The following TNFRSF11A variants were observed in gnomAD, a reference collection of about 807,000 sequenced individuals.
TNFRSF11A encodes the protein TNF receptor superfamily member 11a, also known as tumor necrosis factor receptor superfamily member 11A.
A neutral mutation model predicts 55.7 loss-of-function variants in TNFRSF11A; 32 were observed. That is an observed-to-expected ratio of 0.57 (90% CI 0.43 to 0.77). The LOEUF is 0.77. Ranked by LOEUF, TNFRSF11A falls within the 30% of genes least tolerant of loss-of-function variation. The pLI, the probability that TNFRSF11A is intolerant of heterozygous loss-of-function variation, is 0.00. For missense variants in TNFRSF11A, 753 were observed against 809.8 expected (o/e 0.93, Z 0.85); for synonymous variants, 311 against 331.0 (o/e 0.94, Z 0.65).
chr18:62,364,394 C>G (rs1370417154), intron 7 of TNFRSF11A, among the ~76,000 whole-genome samples: 1 of 152,084 alleles, frequency 6.6e-6, no homozygotes, highest in Non-Finnish European at 1.5e-5. Context: ...GCTCCTTGTC[C>G]TTAGCAAAGG....
intron 1 of TNFRSF11A, among the ~76,000 whole-genome samples, chr18:62,346,525 G>A (rs2046386347): frequency 6.6e-6 from 1 of 152,220 alleles, no homozygotes; most frequent in Admixed American, 6.5e-5. Flanking sequence ...AGCATCTGAT[G>A]TGTGTTACCC....
At chr18:62,333,658 C>A (rs752106830) in intron 1 of TNFRSF11A, among the ~76,000 whole-genome samples, 1 of 152,112 alleles carries the variant, frequency 6.6e-6, no homozygotes, top group Admixed American at 6.6e-5. Context: ...TACCAGGCAG[C>A]GCTCCAGTGA....
At chr18:62,338,375 T>C (rs959569195) in intron 1 of TNFRSF11A, among the ~76,000 whole-genome samples, 1 of 152,198 alleles carries the variant, frequency 6.6e-6, no homozygotes, top group Non-Finnish European at 1.5e-5. Context: ...CCAGTGTTCA[T>C]TGCAGGATTA....
Position 62,340,155 on chromosome 18 carries a change from G to A in TNFRSF11A, c.76-8013G>A, listed in dbSNP as rs531975029. ...TACAGTGAGCAGTGATCACACCACT[G>A]CACTCTAGCCTAGGTGACAGAATGA... is the stretch of plus-strand genomic sequence containing the variant. On this transcript the variant is annotated intron_variant, in intron 1 of 9. Transcript: ENST00000586569. Among the ~76,000 whole-genome samples, 3 of 151,900 alleles carry A rather than the reference G, an allele frequency of 2.0e-5. No homozygotes were observed. In the South Asian group the frequency reaches 6.3e-4, roughly 32 times the overall value.
chr18:62,342,680 C>T (rs1239714322), intron 1 of TNFRSF11A, among the ~76,000 whole-genome samples: 1 of 152,084 alleles, frequency 6.6e-6, no homozygotes, highest in Non-Finnish European at 1.5e-5. Context: ...AGGGGCAGAC[C>T]AGGAATGATA....
At chr18:62,337,439 C>G (rs1376981845) in intron 1 of TNFRSF11A, among the ~76,000 whole-genome samples, 1 of 152,196 alleles carries the variant, frequency 6.6e-6, no homozygotes, top group East Asian at 1.9e-4. Flanking sequence ...TATTAACTCA[C>G]AATGCGTATA....
At chr18:62,376,241 G>T (rs1236429890) in intron 9 of TNFRSF11A, among the ~76,000 whole-genome samples, 6 of 151,444 alleles carry the variant, frequency 4.0e-5, no homozygotes, top group African/African-American at 1.5e-4. Context: ...TTTCTCTTGT[G>T]GGGAGAGCCT....
rs1216235584 is a variant in TNFRSF11A at position 62,368,762 on chromosome 18, G to A, written c.845G>A (p.Cys282Tyr). The change falls in exon 9 of 10, where the codon TGT (cysteine) becomes TAT (tyrosine). Residue 282 changes from cysteine to tyrosine, a missense_variant. This residue lies in a region of TNFRSF11A where 567 missense variants were observed against 596.7 expected (regional missense o/e 0.95). Coordinates refer to ENST00000586569, the MANE Select transcript of TNFRSF11A (RefSeq NM_003839.4). ...HTANFGQQGA[C>Y]EGVLLLTLEE... is the part of the protein sequence containing the mutation. ...GCAAACTTTGGTCAGCAGGGAGCATGTGAAGGTGTCTTACTGCTGACTCTG... is the reference window on the plus strand; with the variant it reads ...GCAAACTTTGGTCAGCAGGGAGCATATGAAGGTGTCTTACTGCTGACTCTG... 5.6e-6 allele frequency: 9 copies of A among 1,614,128 alleles called. No individual in the cohort carries two copies. Among genetic ancestry groups the A allele is most frequent in the Admixed American group, 5.0e-5 (3 of 60,006 alleles).
At chr18:62,336,153 T>C (rs1274208595) in intron 1 of TNFRSF11A, among the ~76,000 whole-genome samples, 1 of 152,172 alleles carries the variant, frequency 6.6e-6, no homozygotes, top group Non-Finnish European at 1.5e-5. Context: ...TATGCAGTGT[T>C]TGGAAATAGG....
chr18:62,350,009 T>C, intron 3 of TNFRSF11A, 72 bp downstream of exon 3: 1 of 1,595,124 alleles, frequency 6.3e-7, no homozygotes, highest in Non-Finnish European at 8.6e-7. Flanking sequence ...AGAAACATTT[T>C]TAGAGGCAGC....
At chr18:62,328,309 G>A (rs894863146) in intron 1 of TNFRSF11A, among the ~76,000 whole-genome samples, 1 of 152,064 alleles carries the variant, frequency 6.6e-6, no homozygotes, top group African/African-American at 2.4e-5. Context: ...GGAAAGATGT[G>A]TGGGAAACCA....
chr18:62,350,513 C>T (rs1381598721), intron 3 of TNFRSF11A, among the ~76,000 whole-genome samples: 1 of 152,090 alleles, frequency 6.6e-6, no homozygotes, highest in East Asian at 1.9e-4. Context: ...AGGATGGTCT[C>T]GATCTCCTGA....
chr18:62,379,448 G>T (rs116467191), intron 9 of TNFRSF11A, among the ~76,000 whole-genome samples: 1 of 152,124 alleles, frequency 6.6e-6, no homozygotes, highest in South Asian at 2.1e-4. Context: ...TAACTATTAC[G>T]TTAACTGGCA....
At chr18:62,366,601 TC>T in intron 7 of TNFRSF11A, 106 bp from the exon 8 acceptor site, 1 of 1,172,102 alleles carries the variant, frequency 8.5e-7, no homozygotes, top group Non-Finnish European at 1.3e-6. Context: ...TCTATATTTG[TC>T]CTATAACATG....
chr18:62,375,928 G>A (rs774652105), intron 9 of TNFRSF11A, among the ~76,000 whole-genome samples: 1 of 152,202 alleles, frequency 6.6e-6, no homozygotes, highest in Non-Finnish European at 1.5e-5. Context: ...GAGCCCAGAA[G>A]GTCAGGGCTG....
intron 9 of TNFRSF11A, among the ~76,000 whole-genome samples, chr18:62,376,348 C>T (rs1334837880): frequency 2.3e-5 from 3 of 131,382 alleles, no homozygotes; most frequent in Non-Finnish European, 4.6e-5. Context: ...CGAAGGGGAA[C>T]ACTGTCAGAA....
At chr18:62,366,848 C>A in intron 8 of TNFRSF11A, 88 bp downstream of exon 8, 1 of 1,318,502 alleles carries the variant, frequency 7.6e-7, no homozygotes, top group Non-Finnish European at 1.1e-6. Context: ...GAGCACCCCC[C>A]CCCACCCCCA....
At chr18:62,337,131 G>A (rs2046246432) in intron 1 of TNFRSF11A, among the ~76,000 whole-genome samples, 1 of 152,104 alleles carries the variant, frequency 6.6e-6, no homozygotes, top group East Asian at 1.9e-4. Context: ...TCTAATCACA[G>A]TTACCTATAT....
rs773263269 is a variant in TNFRSF11A at position 62,383,681 on chromosome 18, T to C, written c.1568-1070T>C. Among the ~76,000 whole-genome samples, 14 of 152,126 alleles carry C rather than the reference T, an allele frequency of 9.2e-5. No homozygotes were observed. The highest frequency in any genetic ancestry group is 3.9e-4 in the Admixed American group (6 of 15,270). On this transcript the variant is annotated intron_variant, in intron 9 of 9. Coordinates refer to ENST00000586569, the MANE Select transcript of TNFRSF11A (RefSeq NM_003839.4). This position sits in a 1 kb window ranked among gnomAD's most constrained non-coding sequence, Gnocchi z 4.2. ...AGGTTGCCTAACATTTGTTGGACTT[T>C]GTTTGTTTTTCAAAAGGCCCGTTGC...
Sources: gnomAD v4.1 joint callset for allele counts (sites outside exome capture counted in the v4.1 genomes callset) on GRCh38, gnomAD v4.1.1 for gene constraint, gnomAD v4.1.1 regional missense constraint, Gnocchi (gnomAD v3.1) non-coding constraint, MANE v1.5 for transcripts, NCBI Gene and HGNC (gene_info 2026-07-23, HGNC 2026-07-21) for gene names.